Variants in CACNA1C observed in about 807,000 individuals in gnomAD.
The protein encoded by CACNA1C is voltage-dependent L-type calcium channel subunit alpha-1C.
A neutral mutation model predicts 229.0 loss-of-function variants in CACNA1C; 30 were observed. That is an observed-to-expected ratio of 0.13 (90% CI 0.10 to 0.18). The LOEUF (loss-of-function observed/expected upper bound fraction) is 0.18. CACNA1C is among the 10% of genes least tolerant of loss of function. The probability of loss-of-function intolerance (pLI) is 1.00; values close to 1 mark genes in which losing one functional copy is unlikely to be tolerated. For missense variants in CACNA1C, 1,658 were observed against 2,845.0 expected, an observed-to-expected ratio of 0.58 and a Z score of 9.49; for synonymous variants, 1,114 against 1,132.5, an observed-to-expected ratio of 0.98 and a Z score of 0.33.
At chr12:2,116,426 C>T (rs1052643537) in intron 2 of CACNA1C, among the ~76,000 whole-genome samples, 1 of 150,048 alleles carries the variant, frequency 6.7e-6, no homozygotes, top group African/African-American at 2.5e-5. Context: ...GGCTGGAGTG[C>T]AGTGGTGCCG....
chr12:2,585,516 C>T lies in CACNA1C; in HGVS notation c.2460+20C>T. ...ACCAAGGTGAGGAGCTGTCTCCTTCCTGGAGCTGTGAGGCCGGTGCTGGGG... is the reference window on the plus strand; with the variant it reads ...ACCAAGGTGAGGAGCTGTCTCCTTCTTGGAGCTGTGAGGCCGGTGCTGGGG... On this transcript the variant is annotated intron_variant, in intron 17 of 46. Coordinates refer to ENST00000399655, the MANE Select transcript of CACNA1C (RefSeq NM_000719.7). The surrounding 1 kb of genome is among the most constrained non-coding windows in gnomAD (Gnocchi z 4.1). 3 of 1,541,140 alleles carry T rather than the reference C, an allele frequency of 1.9e-6. No homozygotes were observed. Among genetic ancestry groups the T allele is most frequent in the Non-Finnish European group, 1.8e-6 (2 of 1,140,716 alleles).
chr12:2,062,180 C>T (rs1011240451), intron 1 of CACNA1C, among the ~76,000 whole-genome samples: 6 of 152,170 alleles, frequency 3.9e-5, no homozygotes, highest in Non-Finnish European at 5.9e-5. Context: ...TGAGGTATAA[C>T]ATCTACCTTG....
chr12:2,555,170 C>G (rs1045164485), intron 10 of CACNA1C, among the ~76,000 whole-genome samples: 1 of 152,216 alleles, frequency 6.6e-6, no homozygotes, highest in African/African-American at 2.4e-5. Flanking sequence ...CAGCGCCAAT[C>G]CTGCTTCCCA....
intron 3 of CACNA1C, among the ~76,000 whole-genome samples, chr12:2,208,596 G>C (rs1599155283): frequency 6.6e-6 from 1 of 152,312 alleles, no homozygotes; most frequent in Admixed American, 6.5e-5. Flanking sequence ...AAGGATGTCT[G>C]GGTGGTGGGT....
At chr12:2,657,962 A>G (rs2095506133) in intron 34 of CACNA1C, among the ~76,000 whole-genome samples, 1 of 152,114 alleles carries the variant, frequency 6.6e-6, no homozygotes, top group Non-Finnish European at 1.5e-5. Context: ...TAGTTTGGAA[A>G]TGTATCAATT....
chr12:2,624,654 G>A lies in CACNA1C; in HGVS notation c.3829-9643G>A, dbSNP rs981329949. Among the ~76,000 whole-genome samples, 14 of 152,250 alleles carry A rather than the reference G, an allele frequency of 9.2e-5. No individual in the cohort carries two copies. In the East Asian group the frequency reaches 9.7e-4, roughly 11 times the overall value. ...TGCTCTTCTTTTTGGAATAGTCTCCGCACCCACTGTATACTCCATGTCCCT... is the reference window on the plus strand; with the variant it reads ...TGCTCTTCTTTTTGGAATAGTCTCCACACCCACTGTATACTCCATGTCCCT... On this transcript the variant is annotated intron_variant, in intron 29 of 46. Coordinates refer to ENST00000399655, the MANE Select transcript of CACNA1C (RefSeq NM_000719.7).
chr12:2,039,489 G>A (rs906586440), intron 1 of CACNA1C, among the ~76,000 whole-genome samples: 2 of 152,194 alleles, frequency 1.3e-5, no homozygotes, highest in African/African-American at 4.8e-5. Context: ...TTCATCAGAT[G>A]TTTATTAAGC....
intron 9 of CACNA1C, among the ~76,000 whole-genome samples, chr12:2,531,190 G>A (rs1011947565): frequency 3.3e-5 from 5 of 152,198 alleles, no homozygotes; most frequent in African/African-American, 9.7e-5. Context: ...AGGCCAGTTC[G>A]CTAACAGGAG....
At chr12:2,202,812 A>T (rs1002211481) in intron 3 of CACNA1C, among the ~76,000 whole-genome samples, 2 of 152,190 alleles carry the variant, frequency 1.3e-5, no homozygotes, top group Non-Finnish European at 2.9e-5. Flanking sequence ...GGGTGGAATG[A>T]GGCTTGAGGA....
intron 34 of CACNA1C, among the ~76,000 whole-genome samples, chr12:2,659,527 G>C (rs1414914222): frequency 6.6e-6 from 1 of 152,164 alleles, no homozygotes; most frequent in Non-Finnish European, 1.5e-5. Context: ...ACTGTACTTA[G>C]AAATGAGGGC....
At chr12:2,380,885 G>A (rs1754978471) in intron 3 of CACNA1C, among the ~76,000 whole-genome samples, 2 of 152,156 alleles carry the variant, frequency 1.3e-5, no homozygotes, top group Non-Finnish European at 2.9e-5. Context: ...GTGTCCTAAG[G>A]CAGAGGCACA....
rs1251349610 is a variant in CACNA1C at position 2,633,380 on chromosome 12, G to A, written c.3829-917G>A. On this transcript the variant is annotated intron_variant, in intron 29 of 46. Coordinates refer to ENST00000399655, the MANE Select transcript of CACNA1C (RefSeq NM_000719.7). This position sits in a 1 kb window ranked among gnomAD's most constrained non-coding sequence, Gnocchi z 5.8. ...TGGACAGGGCCTCTGTGGAGAAGGG[G>A]TAGGGTGGGTGGATCTGTAGGATGG... Among the ~76,000 whole-genome samples, 1 of 152,190 alleles carries A rather than the reference G, an allele frequency of 6.6e-6. No individual in the cohort carries two copies. The highest frequency in any genetic ancestry group is 2.4e-5 in the African/African-American group (1 of 41,442).
intron 3 of CACNA1C, among the ~76,000 whole-genome samples, chr12:2,185,748 G>A (rs2096978971): frequency 6.6e-6 from 1 of 152,130 alleles, no homozygotes; most frequent in African/African-American, 2.4e-5. Flanking sequence ...CCTGTCTGTG[G>A]CACTTTGTCA....
At chr12:2,104,148 A>G (rs2077363419) in intron 1 of CACNA1C, among the ~76,000 whole-genome samples, 1 of 152,210 alleles carries the variant, frequency 6.6e-6, no homozygotes, top group Non-Finnish European at 1.5e-5. Context: ...ATAGCATTAT[A>G]TCTATAAATT....
At chr12:2,673,141 A>G (rs935902272) in intron 38 of CACNA1C, among the ~76,000 whole-genome samples, 1 of 152,200 alleles carries the variant, frequency 6.6e-6, no homozygotes, top group Non-Finnish European at 1.5e-5. Context: ...TTGGTTTCCT[A>G]CTGCTGCAAA....
At chr12:2,631,047 G>C (rs1483570739) in intron 29 of CACNA1C, among the ~76,000 whole-genome samples, 1 of 152,176 alleles carries the variant, frequency 6.6e-6, no homozygotes, top group Non-Finnish European at 1.5e-5. Flanking sequence ...GTTCCTTTAG[G>C]TCTCAGCCCT....
At position 2,400,654 on chromosome 12, in the gene CACNA1C, C is replaced by T. The variant is rs540753015; in HGVS notation, c.478-48322C>T. ...TGGCTTAGGGTCTCCCATTCTGTGC[C>T]CCCACAGCACTCTCTGCCTCCCTTG... On this transcript the variant is annotated intron_variant, in intron 3 of 46. Transcript: ENST00000399655. Among the ~76,000 whole-genome samples, 9 of 152,254 alleles carry T rather than the reference C, an allele frequency of 5.9e-5. No homozygotes were observed. The South Asian group carries it at 1.5e-3, about 25-fold the overall frequency.
intron 9 of CACNA1C, among the ~76,000 whole-genome samples, chr12:2,534,300 G>A (rs938117592): frequency 6.6e-6 from 1 of 152,194 alleles, no homozygotes; most frequent in Non-Finnish European, 1.5e-5. Flanking sequence ...GAAAGGGAAG[G>A]TGTAGTTAGA....
rs1221856190 is a variant in CACNA1C, at chr12:2,482,264, C to T, written c.758-3840C>T. Among the ~76,000 whole-genome samples the T allele has an allele frequency of 5.3e-5, 8 of 152,364 alleles. No homozygotes were observed. In the East Asian group the frequency reaches 5.8e-4, roughly 11 times the overall value. Reference sequence around the variant, plus strand: ...AAGCAGGGACTCCACTAGACTCCCCCGCCTTCCCAGCAGATGCTGCAAGCA... The same window carrying T: ...AAGCAGGGACTCCACTAGACTCCCCTGCCTTCCCAGCAGATGCTGCAAGCA... On this transcript the variant is annotated intron_variant, in intron 5 of 46. Coordinates refer to ENST00000399655, the MANE Select transcript of CACNA1C (RefSeq NM_000719.7).
Sources: allele counts gnomAD v4.1 joint callset (sites outside exome capture counted in the v4.1 genomes callset), GRCh38; gene constraint gnomAD v4.1.1; non-coding constraint Gnocchi (gnomAD v3.1); transcripts MANE v1.5; gene names NCBI Gene and HGNC (gene_info 2026-07-23, HGNC 2026-07-21).